Variants in TPD52 observed in about 807,000 individuals in gnomAD.
TPD52 encodes prostate and colon associated protein.
TPD52 carries 17 observed loss-of-function variants against 31.3 expected under a neutral mutation model. That is an observed-to-expected ratio of 0.54 (90% CI 0.37 to 0.82). TPD52 has a LOEUF of 0.82. TPD52 is among the 40% of genes least tolerant of loss of function. TPD52 has a pLI of 0.00. For missense variants in TPD52, 212 were observed against 240.1 expected, an observed-to-expected ratio of 0.88 and a Z score of 0.77; for synonymous variants, 83 against 89.6, an observed-to-expected ratio of 0.93 and a Z score of 0.42.
rs944902092 is a variant in TPD52, at chr8:80,111,103, T to C, written c.20-46510A>G. Among the ~76,000 whole-genome samples the C allele has an allele frequency of 5.3e-5, 8 of 152,194 alleles. No homozygotes were observed. The South Asian group carries it at 1.7e-3, about 32-fold the overall frequency. On this transcript the variant is annotated intron_variant, in intron 1 of 7. Coordinates refer to ENST00000518937, the MANE Select transcript of TPD52 (RefSeq NM_001025253.3). ...GATGTGCACATGTAACCTCAACTAC[T>C]TGGGAGGCTGAGGTGGTAGTATCAC...
chr8:80,043,678 T>C (rs1310493503), intron 6 of TPD52, among the ~76,000 whole-genome samples: 1 of 152,166 alleles, frequency 6.6e-6, no homozygotes, highest in Non-Finnish European at 1.5e-5. Flanking sequence ...CAAGCACAGA[T>C]TGTTAAAAAT....
In TPD52 at chr8:80,065,176, A is replaced by T. The variant is rs552031834; in HGVS notation, c.20-583T>A. On this transcript the variant is annotated intron_variant, in intron 1 of 7. Coordinates refer to ENST00000518937, the MANE Select transcript of TPD52 (RefSeq NM_001025253.3). ...TTTGTTTGTTTTAGGAGGTAGAGACAGGGTGTCGCTATGTTGCCCAAGCTG... is the reference window on the plus strand; with the variant it reads ...TTTGTTTGTTTTAGGAGGTAGAGACTGGGTGTCGCTATGTTGCCCAAGCTG... Among the ~76,000 whole-genome samples, 3 of 147,326 alleles carry T rather than the reference A, an allele frequency of 2.0e-5. No individual in the cohort carries two copies. The East Asian group carries it at 5.8e-4, about 28-fold the overall frequency.
intron 1 of TPD52, among the ~76,000 whole-genome samples, chr8:80,065,747 C>A (rs773137379): frequency 6.6e-6 from 1 of 151,654 alleles, no homozygotes; most frequent in Non-Finnish European, 1.5e-5. Flanking sequence ...TATTGGTAAT[C>A]TCATCTTTAT....
intron 1 of TPD52, among the ~76,000 whole-genome samples, chr8:80,146,744 G>A (rs1270287865): frequency 1.3e-5 from 2 of 152,138 alleles, no homozygotes; most frequent in Admixed American, 6.5e-5. Flanking sequence ...ATTTATATGT[G>A]GGTACACTAT....
intron 1 of TPD52, among the ~76,000 whole-genome samples, chr8:80,072,985 T>C (rs939105421): frequency 6.6e-6 from 1 of 151,764 alleles, no homozygotes; most frequent in African/African-American, 2.4e-5. Context: ...ACACCTGTAA[T>C]CCCATCTACT....
At chr8:80,137,206 C>T (rs573445110) in intron 1 of TPD52, among the ~76,000 whole-genome samples, 7 of 152,156 alleles carry the variant, frequency 4.6e-5, no homozygotes, top group Non-Finnish European at 7.4e-5. Context: ...CCTGCGGGCA[C>T]GGGATGTGGA....
chr8:80,138,993 C>A (rs1809631807), intron 1 of TPD52, among the ~76,000 whole-genome samples: 1 of 152,210 alleles, frequency 6.6e-6, no homozygotes, highest in African/African-American at 2.4e-5. Context: ...TCCTCCAGTG[C>A]CTCCACTGAC....
chr8:80,109,797 C>T (rs530355234), intron 1 of TPD52, among the ~76,000 whole-genome samples: 18 of 152,264 alleles, frequency 1.2e-4, no homozygotes, highest in Admixed American at 9.1e-4. Flanking sequence ...GACTGCAGCC[C>T]TATTAACTGT....
intron 1 of TPD52, among the ~76,000 whole-genome samples, chr8:80,099,623 G>A (rs1047264607): frequency 1.3e-5 from 2 of 150,604 alleles, no homozygotes; most frequent in Non-Finnish European, 2.9e-5. Flanking sequence ...TGATTCTCCT[G>A]CCTCAGCCTC....
chr8:80,128,286 C>T (rs1415865020), intron 1 of TPD52, among the ~76,000 whole-genome samples: 2 of 151,904 alleles, frequency 1.3e-5, no homozygotes, highest in Non-Finnish European at 2.9e-5. Flanking sequence ...ATGGTAAACT[C>T]TTTAATAAGT....
chr8:80,041,959 C>T (rs1042590584), intron 7 of TPD52, among the ~76,000 whole-genome samples: 3 of 151,794 alleles, frequency 2.0e-5, no homozygotes, highest in Admixed American at 2.0e-4. Context: ...TGTGGTGGCA[C>T]GCGCCTGTAG....
rs185592586 is a variant in TPD52, at chr8:80,171,559, G to C, written c.-116C>G. 5.7e-5 allele frequency: 75 copies of C among 1,325,518 alleles called. No individual in the cohort carries two copies. In the African/African-American group the frequency reaches 1.1e-3, roughly 19 times the overall value. The allele number at this position is 1,325,518 out of a possible 1,614,324, so 82.1% of individuals were successfully genotyped here. A position where few individuals can be genotyped will look rare whatever the true frequency, so the allele number is the denominator to read the frequency against. On this transcript the variant is annotated 5_prime_UTR_variant, in exon 1 of 8. Transcript: ENST00000518937. The stretch of plus-strand genomic sequence containing the variant: ...CCTCGCCTCCGCCGGCGACTCCCGC[G>C]AAGTCCCCACCCCCAGAGGCGTCGG...
chr8:80,047,944 C>T (rs1192573408), intron 5 of TPD52, among the ~76,000 whole-genome samples: 6 of 152,174 alleles, frequency 3.9e-5, no homozygotes, highest in Admixed American at 1.3e-4. Context: ...TTATAGTATG[C>T]TTTTAATAAC....
At chr8:80,094,433 TATATATATATATATATATATA>T in intron 1 of TPD52, among the ~76,000 whole-genome samples, 1 of 5,640 alleles carries the variant, frequency 1.8e-4, no homozygotes, top group African/African-American at 6.1e-4. Flanking sequence ...GAAAATTTTA[TATATATATATATATATATATA>T]TATATATATA....
intron 1 of TPD52, among the ~76,000 whole-genome samples, chr8:80,106,682 T>C (rs536806213): frequency 8.4e-5 from 3 of 35,530 alleles, no homozygotes; most frequent in Non-Finnish European, 1.6e-4. Context: ...ACTCGTTCTA[T>C]TTTTTTTTTT....
chr8:80,144,047 T>C (rs1195641569), intron 1 of TPD52, among the ~76,000 whole-genome samples: 1 of 152,210 alleles, frequency 6.6e-6, no homozygotes, highest in Non-Finnish European at 1.5e-5. Context: ...ACAACAAAAA[T>C]TTTAATTTTA....
chr8:80,065,813 T>C (rs572854657), intron 1 of TPD52, among the ~76,000 whole-genome samples: 195 of 152,306 alleles, frequency 1.3e-3, no homozygotes, highest in Non-Finnish European at 1.5e-3. Flanking sequence ...TTAAAAATAT[T>C]GTATTTGTAT....
At chr8:80,085,274 G>A (rs1314297094) in intron 1 of TPD52, among the ~76,000 whole-genome samples, 1 of 152,200 alleles carries the variant, frequency 6.6e-6, no homozygotes, top group East Asian at 1.9e-4. Context: ...TGTACTGCAG[G>A]GTAATAACCG....
intron 1 of TPD52, among the ~76,000 whole-genome samples, chr8:80,114,582 GCACGCTCT>G (rs1463518181): frequency 6.6e-6 from 1 of 152,112 alleles, no homozygotes; most frequent in Non-Finnish European, 1.5e-5. Flanking sequence ...TAAAATCCAA[GCACGCTCT>G]CAGGGAATCT....
Sources: gnomAD v4.1 joint callset for allele counts (sites outside exome capture counted in the v4.1 genomes callset) on GRCh38, gnomAD v4.1.1 for gene constraint, MANE v1.5 for transcripts, NCBI Gene and HGNC (gene_info 2026-07-23, HGNC 2026-07-21) for gene names.